The following LYST variants were observed in gnomAD, a reference collection of about 807,000 sequenced individuals.
LYST encodes lysosomal trafficking regulator, also known as lysosomal-trafficking regulator.
Under a neutral mutation model 413.6 loss-of-function variants are expected in LYST, and 192 were observed. The ratio of observed to expected loss-of-function variants is 0.46; its 90% confidence interval spans 0.41 to 0.52. LYST has a LOEUF of 0.52. Among genes scored for constraint, LYST ranks in the 20% least tolerant of loss-of-function variants. The probability of loss-of-function intolerance (pLI) is 0.00; values close to 1 mark genes in which losing one functional copy is unlikely to be tolerated. For missense variants in LYST, 3,815 were observed against 4,499.9 expected, an observed-to-expected ratio of 0.85 and a Z score of 4.35; for synonymous variants, 1,525 against 1,567.3, an observed-to-expected ratio of 0.97 and a Z score of 0.64.
intron 43 of LYST, 97 bp from the exon 44 acceptor site, chr1:235,709,405 T>A: frequency 2.0e-6 from 2 of 983,252 alleles, no homozygotes; most frequent in Non-Finnish European, 3.2e-6. Flanking sequence ...TAGCTGTTTG[T>A]GTGCTACAAC....
intron 10 of LYST, among the ~76,000 whole-genome samples, chr1:235,798,112 A>G (rs1399201858): frequency 6.6e-6 from 1 of 152,190 alleles, no homozygotes; most frequent in Non-Finnish European, 1.5e-5. Context: ...TGATACAGGG[A>G]CATTCTGACC....
Position 235,744,065 on chromosome 1 carries a change from T to C in LYST, c.8065A>G (p.Asn2689Asp), listed in dbSNP as rs1392157757. The stretch of plus-strand genomic sequence containing the variant: ...ACAGAAGACTGTTCATGATGAATAT[T>C]TTCCTCAGAAATTTCGGTCTGGAAA... ...SVFQTEISEE[N>D]IHHEQSSVFN... is the part of the protein sequence containing the mutation. The change falls in exon 30 of 53, where the codon AAT (asparagine) becomes GAT (aspartate). Residue 2689 changes from asparagine (N) to aspartate (D), a missense_variant. Asn to Asp is a conservative substitution (Grantham distance 23). Coordinates refer to ENST00000389793, the MANE Select transcript of LYST (RefSeq NM_000081.4). 47 of 1,592,998 alleles carry C rather than the reference T, an allele frequency of 3.0e-5. No homozygotes were observed. Among genetic ancestry groups the C allele is most frequent in the Non-Finnish European group, 3.7e-5 (43 of 1,161,046 alleles).
At chr1:235,767,054 A>T (rs1307360452) in intron 20 of LYST, among the ~76,000 whole-genome samples, 1 of 152,066 alleles carries the variant, frequency 6.6e-6, no homozygotes, top group Non-Finnish European at 1.5e-5. Context: ...AGGCCTCTGA[A>T]CTCTTTCTAC....
At position 235,759,023 on chromosome 1, in the gene LYST, G is replaced by A. The variant is rs1363951088; in HGVS notation, c.6830C>T (p.Ala2277Val). 2.5e-6 allele frequency: 4 copies of A among 1,613,954 alleles called. No individual in the cohort carries two copies. The highest frequency in any genetic ancestry group is 3.4e-6 in the Non-Finnish European group (4 of 1,180,004). The change falls in exon 23 of 53, where the codon GCC (alanine) becomes GTC (valine). Residue 2277 changes from alanine to valine, a missense_variant. Coordinates refer to ENST00000389793, the MANE Select transcript of LYST (RefSeq NM_000081.4). Reference sequence around the variant, plus strand: ...ATTTGGCTCATAACCAAGAGAATAGGCAAAGTTTTCCCAATCATCAGTGTT... The same window carrying A: ...ATTTGGCTCATAACCAAGAGAATAGACAAAGTTTTCCCAATCATCAGTGTT... ...DRNTDDWENF[A>V]YSLGYEPNYN...
intron 2 of LYST, 66 bp from the exon 3 acceptor site, chr1:235,830,490 T>A (rs1412509335): frequency 7.9e-7 from 1 of 1,260,476 alleles, no homozygotes; most frequent in Non-Finnish European, 1.1e-6. Flanking sequence ...TTTAAAACTA[T>A]GTGTTTTTGT....
At position 235,677,535 on chromosome 1, in the gene LYST, T is replaced by C; in HGVS notation, c.10885A>G (p.Ser3629Gly). 6.2e-7 allele frequency: 1 copy of C among 1,613,416 alleles called. No individual in the cohort carries two copies. The highest frequency in any genetic ancestry group is 8.5e-7 in the Non-Finnish European group (1 of 1,179,432). ...ITSLFVCKPY[S>G]ILISVSRDGT... ...TCTCTGCTCACACTTATCAGTATACTGTATGGTTTGCAAACAAATAAGCTG... is the reference window on the plus strand; with the variant it reads ...TCTCTGCTCACACTTATCAGTATACCGTATGGTTTGCAAACAAATAAGCTG... Residue 3629 changes from serine to glycine, a missense_variant, in exon 49 of 53, where the codon AGT becomes GGT. Around this residue, in one of 4 missense-constraint regions of LYST, gnomAD observed 866 missense variants for 1,156.0 expected, o/e 0.75. Transcript: ENST00000389793.
At chr1:235,749,829 T>C (rs1455105650) in intron 28 of LYST, among the ~76,000 whole-genome samples, 1 of 151,982 alleles carries the variant, frequency 6.6e-6, no homozygotes, top group Non-Finnish European at 1.5e-5. Context: ...AGGCTCAAGG[T>C]GACAAAATGC....
intron 48 of LYST, among the ~76,000 whole-genome samples, chr1:235,678,059 A>G (rs1418598844): frequency 2.6e-5 from 4 of 152,174 alleles, no homozygotes; most frequent in Admixed American, 6.5e-5. Flanking sequence ...TTCAAATTAT[A>G]GATAATACCA....
intron 1 of LYST, among the ~76,000 whole-genome samples, chr1:235,845,994 C>A (rs942687266): frequency 3.3e-5 from 5 of 152,088 alleles, no homozygotes; most frequent in Admixed American, 3.3e-4. Context: ...ACAGCTGATG[C>A]TTTCTGGAAA....
intron 1 of LYST, among the ~76,000 whole-genome samples, chr1:235,856,330 C>G (rs1393387212): frequency 6.6e-6 from 1 of 152,088 alleles, no homozygotes; most frequent in Non-Finnish European, 1.5e-5. Flanking sequence ...GGTAGTATAA[C>G]AGAAAGAATA....
Position 235,693,411 on chromosome 1 carries a change from C to T in LYST, c.10640G>A (p.Arg3547Lys). Residue 3547 changes from arginine to lysine, a missense_variant, in exon 47 of 53, where the codon AGG (arginine) becomes AAG (lysine). Arg to Lys is a conservative substitution (Grantham distance 26). Around this residue, in one of 4 missense-constraint regions of LYST, gnomAD observed 866 missense variants for 1,156.0 expected, o/e 0.75. Transcript: ENST00000389793. ...LSWGYADNIL[R>K]LKSKQSEPPV... ...AGGCTCACTTTGTTTACTCTTCAAC[C>T]TTAAAATATTATCAGCATATCCCCA... 6 of 1,613,726 alleles carry T rather than the reference C, an allele frequency of 3.7e-6. No individual in the cohort carries two copies. The highest frequency in any genetic ancestry group is 4.2e-6 in the Non-Finnish European group (5 of 1,179,616).
intron 25 of LYST, 95 bp downstream of exon 25, chr1:235,755,383 C>T (rs1000446929): frequency 1.8e-5 from 21 of 1,145,346 alleles, no homozygotes; most frequent in Middle Eastern, 2.1e-4. Flanking sequence ...GGCGAGACTC[C>T]GTCTCAAAAG....
At chr1:235,703,551 T>C (rs1661717509) in intron 44 of LYST, among the ~76,000 whole-genome samples, 1 of 152,224 alleles carries the variant, frequency 6.6e-6, no homozygotes, top group African/African-American at 2.4e-5. Context: ...CGGTCAGTAA[T>C]TGAGTACAGA....
Position 235,752,039 on chromosome 1 carries a change from T to C in LYST, c.7593A>G (p.Gly2531=). Residue 2531 remains glycine (G), a synonymous_variant, in exon 27 of 53, where the codon GGA becomes GGG. Transcript: ENST00000389793. ...TCTTGTTTTTGCTATTTTGAAGATA[T>C]CCAAGCATTACAATAAGGTCTTCAA... ...RVIEDLIVML[G]YLQNSKNKRT... 1.2e-6 allele frequency: 2 copies of C among 1,611,262 alleles called. No homozygotes were observed. Among genetic ancestry groups the C allele is most frequent in the South Asian group, 1.1e-5 (1 of 90,932 alleles).
intron 48 of LYST, among the ~76,000 whole-genome samples, chr1:235,683,292 C>T (rs552923802): frequency 6.6e-6 from 1 of 152,288 alleles, no homozygotes; most frequent in South Asian, 2.1e-4. Context: ...TGAAGTAATA[C>T]TACCTTGTAT....
chr1:235,757,883 G>GTTT, intron 23 of LYST, among the ~76,000 whole-genome samples: 1 of 137,742 alleles, frequency 7.3e-6, no homozygotes, highest in Non-Finnish European at 1.6e-5. Flanking sequence ...TATTGGAAAT[G>GTTT]TTTTTTTTTT....
rs749041963 is a variant in LYST at position 235,720,834 on chromosome 1, G to C, written c.9387C>G (p.Thr3129=). 6.2e-7 allele frequency: 1 copy of C among 1,613,634 alleles called. No homozygotes were observed. Among genetic ancestry groups the C allele is most frequent in the Non-Finnish European group, 8.5e-7 (1 of 1,179,608 alleles). Residue 3129 remains threonine, a synonymous_variant, in exon 40 of 53, where the codon ACC becomes ACG. Transcript: ENST00000389793. ...LPNLLEYGNI[T]ALTNLWYTGQ... is the part of the protein sequence containing the mutation. The stretch of plus-strand genomic sequence containing the variant: ...CAGTATACCATAAATTTGTCAGAGC[G>C]GTGATGTTACCATATTCCAGAAGAT...
intron 40 of LYST, among the ~76,000 whole-genome samples, chr1:235,717,694 CAT>C (rs1265533499): frequency 6.7e-6 from 1 of 149,512 alleles, no homozygotes; most frequent in Non-Finnish European, 1.5e-5. Context: ...TGCTTAACCA[CAT>C]GTTGATACAT....
chr1:235,691,688 T>G (rs1660661509), intron 47 of LYST, among the ~76,000 whole-genome samples: 1 of 143,962 alleles, frequency 6.9e-6, no homozygotes, highest in African/African-American at 2.7e-5. Context: ...ACTATAAACA[T>G]CAGATTCTCT....
Sources: allele counts gnomAD v4.1 joint callset (sites outside exome capture counted in the v4.1 genomes callset), GRCh38; gene constraint gnomAD v4.1.1; regional missense constraint gnomAD v4.1.1; transcripts MANE v1.5; gene names NCBI Gene and HGNC (gene_info 2026-07-23, HGNC 2026-07-21).